SUSD5: variants seen among roughly 807,000 people sequenced by gnomAD.
SUSD5 encodes sushi domain-containing protein 5.
Under a neutral mutation model 29.5 loss-of-function variants are expected in SUSD5, and 33 were observed. The observed-to-expected ratio is 1.12, with a 90% CI of 0.85 to 1.49. SUSD5 has a LOEUF of 1.49. Among genes scored for constraint, SUSD5 ranks in the 40% most tolerant of loss-of-function variants. The pLI is 0.00. For missense variants in SUSD5, 776 were observed against 800.6 expected (o/e 0.97, Z 0.37); for synonymous variants, 308 against 325.3 (o/e 0.95, Z 0.57).
chr3:33,213,773 C>CAAACAAAACAAAACAAAAAACAAAACA (rs1553623375), intron 2 of SUSD5, among the ~76,000 whole-genome samples, 155 bp downstream of exon 2: 29 of 152,020 alleles, frequency 1.9e-4, no homozygotes, highest in African/African-American at 7.0e-4. Flanking sequence ...GACTCCATCT[C>CAAACAAAACAAAACAAAAAACAAAACA]AAACAAAACA....
At chr3:33,193,336 T>C (rs1197890100) in intron 3 of SUSD5, among the ~76,000 whole-genome samples, 1 of 152,148 alleles carries the variant, frequency 6.6e-6, no homozygotes, top group Non-Finnish European at 1.5e-5. Context: ...ATTTGAGCTG[T>C]CCAGGATAGC....
intron 4 of SUSD5, among the ~76,000 whole-genome samples, chr3:33,156,045 C>CT (rs924820623): frequency 1.9e-3 from 281 of 145,230 alleles, no homozygotes; most frequent in Middle Eastern, 0.015. Context: ...AAAAATGCAT[C>CT]TTTTTTTTTT....
At chr3:33,195,745 A>G (rs1005539715) in intron 3 of SUSD5, among the ~76,000 whole-genome samples, 10 of 27,222 alleles carry the variant, frequency 3.7e-4, no homozygotes, top group Non-Finnish European at 6.8e-4. Context: ...CATATAAATG[A>G]AAAAAAAAAA....
chr3:33,203,230 A>T (rs192401633), intron 3 of SUSD5, among the ~76,000 whole-genome samples: 4 of 152,322 alleles, frequency 2.6e-5, no homozygotes, highest in African/African-American at 9.6e-5. Context: ...TGCAGGAGCC[A>T]TTTACATGCT....
intron 3 of SUSD5, among the ~76,000 whole-genome samples, chr3:33,177,615 C>T (rs568204355): frequency 6.6e-6 from 1 of 151,964 alleles, no homozygotes; most frequent in African/African-American, 2.4e-5. Flanking sequence ...TTTAAGTGAT[C>T]CTCCCACCTC....
intron 3 of SUSD5, among the ~76,000 whole-genome samples, chr3:33,181,102 T>C (rs890641138): frequency 1.3e-5 from 2 of 151,814 alleles, no homozygotes; most frequent in South Asian, 2.1e-4. Context: ...TATGAAAAAG[T>C]CAACAAGTTT....
At chr3:33,202,061 TGTCTATCTATCTATCTATC>T (rs1384184978) in intron 3 of SUSD5, among the ~76,000 whole-genome samples, 4 of 107,730 alleles carry the variant, frequency 3.7e-5, no homozygotes, top group Admixed American at 8.6e-5. Flanking sequence ...TCTATCTATC[TGTCTATCTATCTATCTATC>T]ATCTATCTAT....
chr3:33,214,166 CA>C, intron 1 of SUSD5, 61 bp from the exon 2 acceptor site: 8 of 1,497,390 alleles, frequency 5.3e-6, no homozygotes, highest in South Asian at 1.4e-5. Flanking sequence ...TTAGTCTCAG[CA>C]AACATCCTCT....
intron 3 of SUSD5, among the ~76,000 whole-genome samples, chr3:33,175,831 C>T (rs1170919951): frequency 6.6e-6 from 1 of 152,080 alleles, no homozygotes; most frequent in Non-Finnish European, 1.5e-5. Context: ...TGATGAAACT[C>T]CACTGATACC....
rs555437381 is a variant in SUSD5 at position 33,197,384 on chromosome 3, G to A, written c.409+10424C>T. 5.3e-5 allele frequency among the ~76,000 whole-genome samples: 8 copies of A among 152,226 alleles called. No homozygotes were observed. The South Asian group carries it at 1.0e-3, about 20-fold the overall frequency. On this transcript the variant is annotated intron_variant, in intron 3 of 4. Coordinates refer to ENST00000309558, the MANE Select transcript of SUSD5 (RefSeq NM_015551.2). ...TGAGATAACGTTTGTGGGAACACTC[G>A]GGAAAAACACAATTTTGGAGTTATA...
intron 3 of SUSD5, among the ~76,000 whole-genome samples, chr3:33,196,534 T>C (rs4371466): frequency 0.14 from 21,803 of 152,172 alleles, 1,726 homozygotes; most frequent in East Asian, 0.26. Context: ...TGTCAGGATA[T>C]CTTTGTTTTA....
chr3:33,153,995 G>A lies in SUSD5; in HGVS notation c.637C>T (p.Pro213Ser), dbSNP rs113192400. Residue 213 changes from proline (P) to serine (S), a missense_variant, in exon 5 of 5, where the codon CCT (proline) becomes TCT (serine). Physicochemically the swap from Pro to Ser is moderately conservative, Grantham distance 74 (BLOSUM62 -1). Transcript: ENST00000309558. Reference sequence around the variant, plus strand: ...CTGAATGACACAGATCTGTCATCAGGGAAGTTATCTTCATAGTCAATGTGT... The same window carrying A: ...CTGAATGACACAGATCTGTCATCAGAGAAGTTATCTTCATAGTCAATGTGT... ...EAHIDYEDNF[P>S]DDRSVSFREL... 18 of 1,604,164 alleles carry A rather than the reference G, an allele frequency of 1.1e-5. No homozygotes were observed. The highest frequency in any genetic ancestry group is 8.1e-5 in the African/African-American group (6 of 74,376).
At chr3:33,172,775 A>C (rs2031464613) in intron 4 of SUSD5, among the ~76,000 whole-genome samples, 1 of 152,256 alleles carries the variant, frequency 6.6e-6, no homozygotes, top group Non-Finnish European at 1.5e-5. Context: ...TGACAGGGGA[A>C]TTTTATGTCT....
intron 4 of SUSD5, among the ~76,000 whole-genome samples, chr3:33,158,133 T>A (rs184901925): frequency 2.6e-5 from 4 of 152,352 alleles, no homozygotes; most frequent in Non-Finnish European, 5.9e-5. Context: ...GATCCCAAGC[T>A]TCTCTTCATT....
chr3:33,207,666 A>AGG (rs930619616), intron 3 of SUSD5, 142 bp downstream of exon 3: 4 of 572,322 alleles, frequency 7.0e-6, no homozygotes, highest in Non-Finnish European at 1.2e-5. Context: ...CCACCGCACT[A>AGG]TTGGCTTTTC....
At chr3:33,189,343 C>T (rs1395075530) in intron 3 of SUSD5, among the ~76,000 whole-genome samples, 1 of 151,866 alleles carries the variant, frequency 6.6e-6, no homozygotes. Context: ...CTGGATGTGG[C>T]GGCGCACGCC....
intron 4 of SUSD5, among the ~76,000 whole-genome samples, chr3:33,164,301 CAG>C (rs1478610693): frequency 1.3e-5 from 2 of 152,030 alleles, no homozygotes; most frequent in Admixed American, 6.6e-5. Context: ...TTTATAGAAA[CAG>C]AAAGTAGAAT....
Position 33,152,990 on chromosome 3 carries a change from C to CG in SUSD5, c.1641dup (p.Gly548ArgfsTer6). ...TGAAGCTCCTCACTTGCACCTGGCC[C>CG]GGGGCCTTCCTGTCCAAAGAAGTCT... is the stretch of plus-strand genomic sequence containing the variant. On this transcript the variant is annotated frameshift_variant, in exon 5 of 5. Coordinates refer to ENST00000309558, the MANE Select transcript of SUSD5 (RefSeq NM_015551.2). LOFTEE classifies it high-confidence loss of function. 1 of 1,613,800 alleles carries CG rather than the reference C, an allele frequency of 6.2e-7. No homozygotes were observed.
intron 4 of SUSD5, among the ~76,000 whole-genome samples, chr3:33,172,180 AACACAC>A (rs10576154): frequency 0.06 from 8,908 of 148,436 alleles, 506 homozygotes; most frequent in African/African-American, 0.15. Flanking sequence ...ACTCTTGTAA[AACACAC>A]ACACACACAC....
Sources: gnomAD v4.1 joint callset for allele counts (sites outside exome capture counted in the v4.1 genomes callset) on GRCh38, gnomAD v4.1.1 for gene constraint, MANE v1.5 for transcripts, NCBI Gene and HGNC (gene_info 2026-07-23, HGNC 2026-07-21) for gene names.